ABCC4: variants seen among roughly 807,000 people sequenced by gnomAD.
ABCC4 encodes the protein ATP binding cassette subfamily C member 4 (PEL blood group), also known as ATP-binding cassette sub-family C member 4.
In ABCC4, 102 loss-of-function variants were observed where a neutral mutation model predicts 168.5. The observed-to-expected ratio is 0.61, with a 90% CI of 0.52 to 0.71. ABCC4 has a LOEUF of 0.71. Ranked by LOEUF, ABCC4 falls within the 30% of genes least tolerant of loss-of-function variation. ABCC4 has a pLI of 0.00. For missense variants in ABCC4, 1,402 were observed against 1,605.8 expected, an observed-to-expected ratio of 0.87 and a Z score of 2.17; for synonymous variants, 617 against 590.7, an observed-to-expected ratio of 1.04 and a Z score of -0.65.
intron 20 of ABCC4, among the ~76,000 whole-genome samples, chr13:95,104,171 T>G (rs1313029590): frequency 6.6e-6 from 1 of 152,186 alleles, no homozygotes; most frequent in Non-Finnish European, 1.5e-5. Context: ...CAGGCTGGAG[T>G]GCAGTGGTAT....
Position 95,173,053 on chromosome 13 carries a change from G to C in ABCC4, c.1728-2425C>G, listed in dbSNP as rs182260285. Among the ~76,000 whole-genome samples the C allele has an allele frequency of 2.0e-5, 3 of 152,334 alleles. No homozygotes were observed. In the East Asian group the frequency reaches 5.8e-4, roughly 29 times the overall value. On this transcript the variant is annotated intron_variant, in intron 13 of 30. Transcript: ENST00000645237. The stretch of plus-strand genomic sequence containing the variant: ...TCTAAGTGATGAGGATACATCCACT[G>C]GTCAAGCAAACAGACAACACCCTGA...
At chr13:95,126,016 CAT>C (rs1362983382) in intron 19 of ABCC4, among the ~76,000 whole-genome samples, 1 of 152,176 alleles carries the variant, frequency 6.6e-6, no homozygotes, top group African/African-American at 2.4e-5. Flanking sequence ...TGGAAATGCA[CAT>C]GTGTACAGTT....
At chr13:95,021,812 G>A in intron 30 of ABCC4, 130 bp from the exon 31 acceptor site, 1 of 662,208 alleles carries the variant, frequency 1.5e-6, no homozygotes, top group East Asian at 2.7e-5. Flanking sequence ...CACAATTTAA[G>A]AACAGGGATG....
intron 19 of ABCC4, among the ~76,000 whole-genome samples, chr13:95,125,894 G>C (rs1230005587): frequency 3.3e-5 from 5 of 152,168 alleles, no homozygotes; most frequent in African/African-American, 1.2e-4. Flanking sequence ...ACCTGGCCCA[G>C]CCTCACGTAG....
rs190344347 is a variant in ABCC4, at chr13:95,191,883, T to C, written c.1263+2953A>G. On this transcript the variant is annotated intron_variant, in intron 9 of 30. Coordinates refer to ENST00000645237, the MANE Select transcript of ABCC4 (RefSeq NM_005845.5). ...TCAAGGCCCTGGTTCTTAGAGCAGG[T>C]TTCTGCCCCGCCGGGAGGCCTGGGA... Among the ~76,000 whole-genome samples the C allele has an allele frequency of 3.0e-3, 456 of 152,334 alleles. 5 individuals are homozygous for C. Among genetic ancestry groups the C allele is most frequent in the African/African-American group, 0.011 (438 of 41,580 alleles).
intron 8 of ABCC4, among the ~76,000 whole-genome samples, chr13:95,203,867 A>G (rs1044290110): frequency 1.3e-5 from 2 of 152,140 alleles, no homozygotes; most frequent in African/African-American, 2.4e-5. Context: ...ATTCAACTCG[A>G]GTCTGCTTCC....
At chr13:95,135,654 T>A (rs943244076) in intron 19 of ABCC4, among the ~76,000 whole-genome samples, 8 of 152,174 alleles carry the variant, frequency 5.3e-5, no homozygotes, top group African/African-American at 1.9e-4. Context: ...GCTCAAGCGA[T>A]CCACCTGTCT....
At chr13:95,028,055 C>T (rs4274307) in intron 30 of ABCC4, among the ~76,000 whole-genome samples, 134,167 of 150,490 alleles carry the variant, frequency 0.89, 59,310 homozygotes, top group East Asian at 1. Context: ...AACCATTACA[C>T]GAATCAAAGA....
chr13:95,107,549 G>A (rs1254002718), intron 20 of ABCC4, among the ~76,000 whole-genome samples: 1 of 152,144 alleles, frequency 6.6e-6, no homozygotes, highest in Admixed American at 6.5e-5. Flanking sequence ...TTTTGCCACA[G>A]TTAATTGTTT....
chr13:95,107,860 A>T (rs2035061921), intron 20 of ABCC4, among the ~76,000 whole-genome samples: 1 of 152,168 alleles, frequency 6.6e-6, no homozygotes. Flanking sequence ...AATTGTTTGA[A>T]GCTGGGAGGC....
chr13:95,052,127 C>T (rs919141246), intron 27 of ABCC4, among the ~76,000 whole-genome samples: 1 of 152,118 alleles, frequency 6.6e-6, no homozygotes, highest in Admixed American at 6.6e-5. Context: ...ACTACAGGCG[C>T]ACACCACCAT....
At chr13:95,286,123 CTTTT>C (rs773328777) in intron 1 of ABCC4, among the ~76,000 whole-genome samples, 1 of 105,522 alleles carries the variant, frequency 9.5e-6, no homozygotes, top group African/African-American at 3.3e-5. Flanking sequence ...TCCAGAAAAA[CTTTT>C]TTTTTTTTTT....
intron 20 of ABCC4, among the ~76,000 whole-genome samples, chr13:95,093,259 T>C (rs982111609): frequency 1.3e-5 from 2 of 152,122 alleles, no homozygotes; most frequent in African/African-American, 4.8e-5. Context: ...TGCAAACCGA[T>C]ATCCTTGATG....
chr13:95,044,831 C>T (rs1347467501), intron 27 of ABCC4, among the ~76,000 whole-genome samples: 3 of 152,124 alleles, frequency 2.0e-5, no homozygotes, highest in Admixed American at 6.6e-5. Context: ...TAAAAGATTA[C>T]AGAAATTTAG....
intron 30 of ABCC4, among the ~76,000 whole-genome samples, chr13:95,028,659 T>C (rs2031663608): frequency 6.6e-6 from 1 of 151,852 alleles, no homozygotes; most frequent in Admixed American, 6.6e-5. Flanking sequence ...CACAAATGCA[T>C]TCAAGAAGAA....
Position 95,267,134 on chromosome 13 carries a change from G to A in ABCC4, c.75-19381C>T, listed in dbSNP as rs530775724. 5.3e-5 allele frequency among the ~76,000 whole-genome samples: 8 copies of A among 152,022 alleles called. 1 individual carries two copies. Among genetic ancestry groups the A allele is most frequent in the Middle Eastern group, 6.8e-3 (2 of 294 alleles). ...TGACCTCAAGTGATCCACCCACCTC[G>A]GCCTCCCAAAGTGCTGGGACTACAG... On this transcript the variant is annotated intron_variant, in intron 1 of 30. Transcript: ENST00000645237.
intron 30 of ABCC4, among the ~76,000 whole-genome samples, chr13:95,032,640 A>G (rs967586871): frequency 2.1e-4 from 31 of 149,034 alleles, no homozygotes; most frequent in Non-Finnish European, 4.3e-4. Context: ...ATACCATTAG[A>G]TATGGGAACA....
chr13:95,163,931 C>T (rs12870044), intron 16 of ABCC4, among the ~76,000 whole-genome samples: 4 of 151,638 alleles, frequency 2.6e-5, no homozygotes, highest in Admixed American at 6.6e-5. Flanking sequence ...GTCCCAGCTA[C>T]TCCGGAGGCT....
chr13:95,223,095 G>A (rs2039350333), intron 4 of ABCC4, among the ~76,000 whole-genome samples: 1 of 152,196 alleles, frequency 6.6e-6, no homozygotes, highest in African/African-American at 2.4e-5. Flanking sequence ...TCAAGTTAGA[G>A]AAGCTTGGAA....
Sources: gnomAD v4.1 joint callset for allele counts (sites outside exome capture counted in the v4.1 genomes callset) on GRCh38, gnomAD v4.1.1 for gene constraint, MANE v1.5 for transcripts, NCBI Gene and HGNC (gene_info 2026-07-23, HGNC 2026-07-21) for gene names.